APPBP2: variants seen among roughly 807,000 people sequenced by gnomAD.
APPBP2 encodes the protein amyloid beta precursor protein binding protein 2, also known as amyloid protein-binding protein 2.
APPBP2 carries 15 observed loss-of-function variants against 76.0 expected under a neutral mutation model. The observed-to-expected ratio is 0.20, with a 90% CI of 0.13 to 0.30. The LOEUF is 0.30. Ranked by LOEUF, APPBP2 falls within the 10% of genes least tolerant of loss-of-function variation. The pLI, the probability that APPBP2 is intolerant of heterozygous loss-of-function variation, is 1.00. For synonymous variants in APPBP2, 222 were observed against 242.2 expected, an observed-to-expected ratio of 0.92 and a Z score of 0.77; for missense variants, 401 against 687.2, an observed-to-expected ratio of 0.58 and a Z score of 4.66.
chr17:60,464,093 G>A lies in APPBP2; in HGVS notation c.690C>T (p.Ile230=), dbSNP rs764026810. ...CTGCTGTAATTTCTTTCATTGCCTC[G>A]ATGCACCATTTGTATGCCTAAAAAA... The part of the protein sequence containing the change: ...SHYDEAYKWC[I]EAMKEITAGL... The change falls in exon 6 of 13, where the codon ATC becomes ATT. Residue 230 remains isoleucine, a synonymous_variant. Coordinates refer to ENST00000083182, the MANE Select transcript of APPBP2 (RefSeq NM_006380.5). The A allele has an allele frequency of 2.5e-6, 4 of 1,610,898 alleles. No individual in the cohort carries two copies. The highest frequency in any genetic ancestry group is 2.2e-5 in the South Asian group (2 of 90,316).
chr17:60,511,168 T>C (rs2090909290), intron 1 of APPBP2, among the ~76,000 whole-genome samples: 2 of 152,218 alleles, frequency 1.3e-5, no homozygotes, highest in Non-Finnish European at 2.9e-5. Flanking sequence ...TAACACAATA[T>C]ATACCAGCAA....
chr17:60,479,083 G>A, intron 4 of APPBP2, 65 bp downstream of exon 4: 3 of 1,512,566 alleles, frequency 2.0e-6, no homozygotes, highest in African/African-American at 1.4e-5. Flanking sequence ...ACTTATAAGA[G>A]CTAAAACTAT....
rs144286983 is a variant in APPBP2 at position 60,461,888 on chromosome 17, T to C, written c.858A>G (p.Lys286=). The C allele has an allele frequency of 1.9e-6, 3 of 1,613,310 alleles. No homozygotes were observed. The highest frequency in any genetic ancestry group is 1.3e-5 in the African/African-American group (1 of 74,894). The stretch of plus-strand genomic sequence containing the variant: ...CATAATCTAGCAGTGTATCAGAATA[T>C]TTTGGGTGTTTGGATCCAAAATGAT... ...ARDHFGSKHP[K]YSDTLLDYGF... is the part of the protein sequence containing the mutation. Residue 286 remains lysine, a synonymous_variant, in exon 8 of 13, where the codon AAA becomes AAG. Transcript: ENST00000083182.
At chr17:60,450,795 A>G (rs1335310444) in intron 12 of APPBP2, among the ~76,000 whole-genome samples, 3 of 151,698 alleles carry the variant, frequency 2.0e-5, no homozygotes, top group Non-Finnish European at 2.9e-5. Flanking sequence ...GAAAGAAAAA[A>G]GAAAAAAGAA....
At chr17:60,525,279 C>G (rs1355560300) in intron 1 of APPBP2, among the ~76,000 whole-genome samples, 1 of 152,056 alleles carries the variant, frequency 6.6e-6, no homozygotes, top group African/African-American at 2.4e-5. Flanking sequence ...TCCAATAATC[C>G]CTAACTCCTT....
intron 1 of APPBP2, among the ~76,000 whole-genome samples, chr17:60,521,809 T>C (rs2091012023): frequency 6.6e-6 from 1 of 152,208 alleles, no homozygotes; most frequent in Non-Finnish European, 1.5e-5. Flanking sequence ...TCAGCTATCG[T>C]TATTGTATTT....
chr17:60,522,729 C>T (rs569994869), intron 1 of APPBP2, among the ~76,000 whole-genome samples: 2 of 152,174 alleles, frequency 1.3e-5, no homozygotes, highest in East Asian at 1.9e-4. Flanking sequence ...CAAAAACAGG[C>T]AAGACTCATC....
At chr17:60,491,689 AC>A (rs2090730584) in intron 3 of APPBP2, among the ~76,000 whole-genome samples, 1 of 152,012 alleles carries the variant, frequency 6.6e-6, no homozygotes, top group South Asian at 2.1e-4. Flanking sequence ...AAAACAATCC[AC>A]CCACCTTGGC....
chr17:60,513,342 G>C, intron 1 of APPBP2: 1 of 605,030 alleles, frequency 1.7e-6, no homozygotes, highest in South Asian at 1.9e-5. Flanking sequence ...AAACACACCT[G>C]AAACTAGAGG....
intron 3 of APPBP2, among the ~76,000 whole-genome samples, chr17:60,491,710 T>C (rs2090730824): frequency 1.3e-5 from 2 of 152,302 alleles, no homozygotes; most frequent in East Asian, 3.9e-4. Context: ...CCTCCCAAAG[T>C]GCTGGGACTA....
intron 12 of APPBP2, among the ~76,000 whole-genome samples, chr17:60,450,878 T>C (rs1249266290): frequency 1.3e-5 from 2 of 152,134 alleles, no homozygotes; most frequent in African/African-American, 2.4e-5. Flanking sequence ...CTATGACACA[T>C]GTAACCAACG....
At chr17:60,499,977 A>G (rs2090808923) in intron 2 of APPBP2, among the ~76,000 whole-genome samples, 1 of 151,786 alleles carries the variant, frequency 6.6e-6, no homozygotes, top group Non-Finnish European at 1.5e-5. Context: ...AGTTCTGGAA[A>G]TGAATGGTGT....
At chr17:60,471,296 T>C (rs1005000600) in intron 4 of APPBP2, among the ~76,000 whole-genome samples, 9 of 152,296 alleles carry the variant, frequency 5.9e-5, no homozygotes, top group African/African-American at 2.2e-4. Flanking sequence ...TTTCCAATAC[T>C]GATGATTTTT....
At chr17:60,500,281 A>T in intron 2 of APPBP2, 118 bp downstream of exon 2, 1 of 671,614 alleles carries the variant, frequency 1.5e-6, no homozygotes, top group Non-Finnish European at 2.5e-6. Context: ...TGCTGGGATT[A>T]CAGGCGTAAG....
chr17:60,460,826 A>G, intron 8 of APPBP2, 39 bp from the exon 9 acceptor site: 1 of 1,588,070 alleles, frequency 6.3e-7, no homozygotes. Flanking sequence ...TACTGTAGAA[A>G]ATACCACCTA....
At chr17:60,463,048 C>G (rs894283322) in intron 6 of APPBP2, among the ~76,000 whole-genome samples, 11 of 151,060 alleles carry the variant, frequency 7.3e-5, no homozygotes, top group Non-Finnish European at 5.9e-5. Context: ...TAATTAAAAA[C>G]GTAAGAATAT....
chr17:60,467,337 T>C (rs1280636049), intron 4 of APPBP2, among the ~76,000 whole-genome samples: 4 of 152,148 alleles, frequency 2.6e-5, no homozygotes, highest in African/African-American at 7.2e-5. Flanking sequence ...TACAAAAAAT[T>C]TATTTTTTCT....
At chr17:60,487,355 C>G (rs1272224956) in intron 3 of APPBP2, among the ~76,000 whole-genome samples, 1 of 151,856 alleles carries the variant, frequency 6.6e-6, no homozygotes, top group African/African-American at 2.4e-5. Flanking sequence ...TTGGTATTTT[C>G]ACATAGTCCT....
intron 3 of APPBP2, among the ~76,000 whole-genome samples, chr17:60,483,002 C>G (rs1176021254): frequency 6.6e-6 from 1 of 152,168 alleles, no homozygotes; most frequent in African/African-American, 2.4e-5. Flanking sequence ...TGAGGAATCG[C>G]CACACTGTCT....
Sources: gnomAD v4.1 joint callset for allele counts (sites outside exome capture counted in the v4.1 genomes callset) on GRCh38, gnomAD v4.1.1 for gene constraint, MANE v1.5 for transcripts, NCBI Gene and HGNC (gene_info 2026-07-23, HGNC 2026-07-21) for gene names.